The following MST1R variants were observed in gnomAD, a reference collection of about 807,000 sequenced individuals.
The protein encoded by MST1R is macrophage stimulating 1 receptor.
A neutral mutation model predicts 117.8 loss-of-function variants in MST1R; 99 were observed. That is an observed-to-expected ratio of 0.84 (90% CI 0.71 to 0.99). The LOEUF is 0.99. Ranked by LOEUF, MST1R falls within the 50% of genes least tolerant of loss-of-function variation. MST1R has a pLI of 0.00. For missense variants in MST1R, 1,683 were observed against 1,840.2 expected (o/e 0.91, Z 1.56); for synonymous variants, 734 against 765.3 (o/e 0.96, Z 0.68).
rs56091918 is a variant in MST1R, at chr3:49,896,059, C to T, written c.2698G>A (p.Val900Met). ...VADCVGINVT[V>M]GGESCQHEFR... is the part of the protein sequence containing the mutation. ...TCGTGCTGGCAGCTCTCACCACCCACGGTCACGTTGATACCCACACAGTCA... is the reference window on the plus strand; with the variant it reads ...TCGTGCTGGCAGCTCTCACCACCCATGGTCACGTTGATACCCACACAGTCA... The change falls in exon 11 of 20, where the codon GTG becomes ATG. Residue 900 changes from valine to methionine, a missense_variant. By Grantham distance (21) the Val-to-Met change is conservative. Transcript: ENST00000296474. 701 of 1,610,754 alleles carry T rather than the reference C, an allele frequency of 4.4e-4. No individual in the cohort carries two copies. The highest frequency in any genetic ancestry group is 5.0e-4 in the Non-Finnish European group (585 of 1,178,336).
At chr3:49,896,933 A>G in intron 7 of MST1R, 43 bp from the exon 8 acceptor site, 2 of 1,455,520 alleles carry the variant, frequency 1.4e-6, no homozygotes, top group Non-Finnish European at 1.8e-6. Flanking sequence ...CCTCTTTGTG[A>G]TGGCCAGGCC....
rs1394020116 is a variant in MST1R at position 49,897,555 on chromosome 3, C to T, written c.2011G>A (p.Asp671Asn). The change falls in exon 6 of 20, where the codon GAC (aspartate) becomes AAC (asparagine). Residue 671 changes from aspartate to asparagine, a missense_variant. Asp to Asn is a conservative substitution (Grantham distance 23). Coordinates refer to ENST00000296474, the MANE Select transcript of MST1R (RefSeq NM_002447.4). ...AAGCCTCTCAGCACGGAGGTGCCGT[C>T]TACCCGGAAGTGCTTGCCCGGTGGC... ...NMPPGKHFRV[D>N]GTSVLRGFSF... is the part of the protein sequence containing the mutation. 2 of 1,613,956 alleles carry T rather than the reference C, an allele frequency of 1.2e-6. No homozygotes were observed. Among genetic ancestry groups the T allele is most frequent in the East Asian group, 2.2e-5 (1 of 44,904 alleles).
chr3:49,892,653 G>A (rs1174556993), intron 14 of MST1R, among the ~76,000 whole-genome samples: 1 of 136,384 alleles, frequency 7.3e-6, no homozygotes, highest in Non-Finnish European at 1.6e-5. Flanking sequence ...GTGAGATGCT[G>A]TCTTTTTTTT....
At chr3:49,899,436 T>A (rs1315149152) in intron 1 of MST1R, 173 bp from the exon 2 acceptor site, 1 of 669,218 alleles carries the variant, frequency 1.5e-6, no homozygotes, top group Non-Finnish European at 2.5e-6. Context: ...GGGCTCTCAG[T>A]GTAGCAAGGG....
In MST1R at chr3:49,902,626, T is replaced by TA. The variant is rs767036884; in HGVS notation, c.983_984insT (p.Val329SerfsTer8). On this transcript the variant is annotated frameshift_variant, in exon 1 of 20. Coordinates refer to ENST00000296474, the MANE Select transcript of MST1R (RefSeq NM_002447.4). LOFTEE classifies it high-confidence loss of function. ...GCTCAGTGGCAAGTTGGGCACCCAC[T>TA]GGAGCGGAGTGGGCCACCCGCAGCA... 2 of 1,613,496 alleles carry TA rather than the reference T, an allele frequency of 1.2e-6. No individual in the cohort carries two copies. The highest frequency in any genetic ancestry group is 1.7e-6 in the Non-Finnish European group (2 of 1,180,030).
At position 49,901,602 on chromosome 3, in the gene MST1R, C is replaced by A. The variant is rs1183483985; in HGVS notation, c.1230+778G>T. 2.0e-5 allele frequency among the ~76,000 whole-genome samples: 3 copies of A among 152,138 alleles called. 1 individual carries two copies. In the South Asian group the frequency reaches 6.2e-4, roughly 31 times the overall value. On this transcript the variant is annotated intron_variant, in intron 1 of 19. Transcript: ENST00000296474. ...AAGACTAGAGTGAGGCTCCCAGAAC[C>A]TTCTAGAACCAAGCTGCCATTCCAT...
Position 49,887,476 on chromosome 3 carries a change from A to G in MST1R, c.4034T>C (p.Val1345Ala). 1.2e-6 allele frequency: 2 copies of G among 1,614,178 alleles called. No homozygotes were observed. The highest frequency in any genetic ancestry group is 1.7e-6 in the Non-Finnish European group (2 of 1,180,026). Reference sequence around the variant, plus strand: ...ATAATGGTCCCCAAGCAGTGCAGACACTATCTGCTCCACCTCCCCCACTAG... The same window carrying G: ...ATAATGGTCCCCAAGCAGTGCAGACGCTATCTGCTCCACCTCCCCCACTAG... ...RVLVGEVEQI[V>A]SALLGDHYVQ... The change falls in exon 20 of 20, where the codon GTG becomes GCG. Residue 1345 changes from valine to alanine, a missense_variant. Transcript: ENST00000296474.
chr3:49,887,133 C>T lies in MST1R; in HGVS notation c.*174G>A. ...CCATAAATACATGTTGCAGGACTGC[C>T]CTCACTGGCTCACTCTGTGGAGTGA... On this transcript the variant is annotated 3_prime_UTR_variant, in exon 20 of 20. Coordinates refer to ENST00000296474, the MANE Select transcript of MST1R (RefSeq NM_002447.4). 2 of 845,212 alleles carry T rather than the reference C, an allele frequency of 2.4e-6. No individual in the cohort carries two copies. The allele number at this position is 845,212 out of a possible 1,614,324, so 52.4% of individuals were successfully genotyped here.
rs774650189 is a variant in MST1R, at chr3:49,895,472, C to T, written c.3039G>A (p.Ser1013=). 6.3e-5 allele frequency: 101 copies of T among 1,613,972 alleles called. No homozygotes were observed. Among genetic ancestry groups the T allele is most frequent in the Middle Eastern group, 1.6e-4 (1 of 6,084 alleles). ...CAAGGCCACTTCTGTAGTCAGAGCC[C>T]GAGTACAGAATAGGCAGGGGTGTGG... ...AGATPLPILY[S]GSDYRSGLAL... Residue 1013 remains serine (S), a synonymous_variant, in exon 13 of 20, where the codon TCG becomes TCA. Coordinates refer to ENST00000296474, the MANE Select transcript of MST1R (RefSeq NM_002447.4).
At position 49,898,850 on chromosome 3, in the gene MST1R, GC is replaced by G. The variant is rs773403193; in HGVS notation, c.1548+16del. 5 of 1,613,740 alleles carry G rather than the reference GC, an allele frequency of 3.1e-6. No individual in the cohort carries two copies. The highest frequency in any genetic ancestry group is 4.2e-6 in the Non-Finnish European group (5 of 1,179,962). ...TCCCACAACCCTGGCCCCAGGCCCT[GC>G]CCCTGCCCACCTCACCTGGTCCCCA... On this transcript the variant is annotated intron_variant, in intron 3 of 19. Transcript: ENST00000296474.
chr3:49,896,509 C>T (rs762897182), intron 9 of MST1R, 31 bp downstream of exon 9: 1 of 1,612,506 alleles, frequency 6.2e-7, no homozygotes, highest in Non-Finnish European at 8.5e-7. Context: ...ACTCATCCAG[C>T]CTTCCTCCCT....
rs2082727360 is a variant in MST1R at position 49,902,747 on chromosome 3, G to A, written c.863C>T (p.Pro288Leu). The A allele has an allele frequency of 6.2e-7, 1 of 1,613,876 alleles. No homozygotes were observed. The highest frequency in any genetic ancestry group is 8.5e-7 in the Non-Finnish European group (1 of 1,180,046). Residue 288 changes from proline to leucine, a missense_variant, in exon 1 of 20, where the codon CCA (proline) becomes CTA (leucine). Pro to Leu is a moderately conservative substitution (Grantham distance 98, BLOSUM62 -3). Coordinates refer to ENST00000296474, the MANE Select transcript of MST1R (RefSeq NM_002447.4). Reference protein sequence around the residue: ...TRLARLSATEPELGDYRELVL... With the variant: ...TRLARLSATELELGDYRELVL... ...CAGCTCCCGATAGTCACCCAACTCT[G>A]GCTCAGTGGCGCTAAGCCGTGCCAG...
chr3:49,899,357 TCA>T, intron 1 of MST1R, 94 bp from the exon 2 acceptor site: 2 of 1,347,642 alleles, frequency 1.5e-6, no homozygotes, highest in Non-Finnish European at 1.0e-6. Context: ...CCCAACACTC[TCA>T]CCCCTCACCT....
At chr3:49,898,261 A>G in intron 4 of MST1R, 50 bp from the exon 5 acceptor site, 1 of 1,604,060 alleles carries the variant, frequency 6.2e-7, no homozygotes. Flanking sequence ...GGGCTCTCTC[A>G]GCCCCACCTG....
In MST1R at chr3:49,903,621, G is replaced by A. The variant is rs1300519402; in HGVS notation, c.-12C>T. 13 of 1,551,754 alleles carry A rather than the reference G, an allele frequency of 8.4e-6. No individual in the cohort carries two copies. The highest frequency in any genetic ancestry group is 1.0e-5 in the Non-Finnish European group (12 of 1,155,352). ...GGGAGGAGCTCCATCGAGGCGAGCTGGGACCCTAGAGGATCCCTACCGGCC... is the reference window on the plus strand; with the variant it reads ...GGGAGGAGCTCCATCGAGGCGAGCTAGGACCCTAGAGGATCCCTACCGGCC... On this transcript the variant is annotated 5_prime_UTR_variant, in exon 1 of 20. Coordinates refer to ENST00000296474, the MANE Select transcript of MST1R (RefSeq NM_002447.4).
Position 49,903,513 on chromosome 3 carries a change from G to A in MST1R, c.97C>T (p.Pro33Ser). ...AGEDWQCPRT[P>S]YAASRDFDVK... ...TCAAAGTCGCGAGAGGCCGCGTAGGGGGTGCGCGGGCACTGCCAGTCCTCG... is the reference window on the plus strand; with the variant it reads ...TCAAAGTCGCGAGAGGCCGCGTAGGAGGTGCGCGGGCACTGCCAGTCCTCG... Residue 33 changes from proline (P) to serine (S), a missense_variant, in exon 1 of 20, where the codon CCC (proline) becomes TCC (serine). Physicochemically the swap from Pro to Ser is moderately conservative, Grantham distance 74. Transcript: ENST00000296474. 6.2e-7 allele frequency: 1 copy of A among 1,608,600 alleles called. No homozygotes were observed. Among genetic ancestry groups the A allele is most frequent in the East Asian group, 2.2e-5 (1 of 44,866 alleles).
In MST1R at chr3:49,902,446, G is replaced by A. The variant is rs2082711911; in HGVS notation, c.1164C>T (p.Ser388=). 2 of 1,614,174 alleles carry A rather than the reference G, an allele frequency of 1.2e-6. No homozygotes were observed. The highest frequency in any genetic ancestry group is 8.5e-7 in the Non-Finnish European group (1 of 1,180,040). The change falls in exon 1 of 20, where the codon TCC becomes TCT. Residue 388 remains serine (S), a synonymous_variant. Transcript: ENST00000296474. The part of the protein sequence containing the change: ...IDEGVERCCE[S]PVHPGLRRGL... Reference sequence around the variant, plus strand: ...CTCGCCGGAGGCCTGGATGGACTGGGGATTCACAACAGCGCTCCACACCCT... The same window carrying A: ...CTCGCCGGAGGCCTGGATGGACTGGAGATTCACAACAGCGCTCCACACCCT...
Position 49,895,699 on chromosome 3 carries a change from G to A in MST1R, c.2962+16C>T, listed in dbSNP as rs765866606. ...TGGGGGTAGGGGCTGATTAAAGGTA[G>A]GAGCAGAGAACTCACCTAGCTGCTT... On this transcript the variant is annotated intron_variant, in intron 12 of 19. Coordinates refer to ENST00000296474, the MANE Select transcript of MST1R (RefSeq NM_002447.4). 1.2e-6 allele frequency: 2 copies of A among 1,612,054 alleles called. No homozygotes were observed. The highest frequency in any genetic ancestry group is 1.7e-6 in the Non-Finnish European group (2 of 1,179,970).
Position 49,895,336 on chromosome 3 carries a change from A to G in MST1R, c.3102T>C (p.Cys1034=), listed in dbSNP as rs2082430512. The G allele has an allele frequency of 6.2e-7, 1 of 1,614,122 alleles. No homozygotes were observed. The highest frequency in any genetic ancestry group is 1.7e-5 in the Admixed American group (1 of 60,004). The change falls in exon 14 of 20, where the codon TGT becomes TGC. Residue 1034 remains cysteine, a synonymous_variant. Transcript: ENST00000296474. ...TATCGGAGAAGGATGCTCCATGGAC[A>G]CAAGTGGTGGAATCCAGACCATCAA... is the stretch of plus-strand genomic sequence containing the variant. ...PAIDGLDSTT[C]VHGASFSDSE... is the part of the protein sequence containing the mutation.
Sources: allele counts gnomAD v4.1 joint callset (sites outside exome capture counted in the v4.1 genomes callset), GRCh38; gene constraint gnomAD v4.1.1; transcripts MANE v1.5; gene names NCBI Gene and HGNC (gene_info 2026-07-23, HGNC 2026-07-21).